The following SORT1 variants were observed in gnomAD, a reference collection of about 807,000 sequenced individuals.
SORT1 encodes the protein sortilin 1.
Under a neutral mutation model 101.7 loss-of-function variants are expected in SORT1, and 39 were observed. The observed-to-expected ratio is 0.38, with a 90% confidence interval of 0.30 to 0.50. SORT1 has a LOEUF of 0.50. Among genes scored for constraint, SORT1 ranks in the 20% least tolerant of loss-of-function variants. The probability of loss-of-function intolerance (pLI) is 0.90; values close to 1 mark genes in which losing one functional copy is unlikely to be tolerated. For synonymous variants in SORT1, 396 were observed against 393.7 expected (o/e 1.01, Z -0.07); for missense variants, 878 against 1,040.4 (o/e 0.84, Z 2.15).
intron 5 of SORT1, among the ~76,000 whole-genome samples, chr1:109,354,046 T>C (rs1417443515): frequency 2.0e-5 from 3 of 152,200 alleles, no homozygotes; most frequent in Non-Finnish European, 2.9e-5. Context: ...CATCAGGAGT[T>C]TGACAATTTA....
At chr1:109,347,679 C>T in intron 6 of SORT1, 147 bp from the exon 7 acceptor site, 1 of 590,192 alleles carries the variant, frequency 1.7e-6, no homozygotes, top group Non-Finnish European at 3.2e-6. Context: ...AGCCCTGGTC[C>T]TTCACAGCTC....
chr1:109,352,169 G>C (rs927107894), intron 5 of SORT1, among the ~76,000 whole-genome samples: 1 of 152,160 alleles, frequency 6.6e-6, no homozygotes, highest in Non-Finnish European at 1.5e-5. Flanking sequence ...TAAGGTGCTT[G>C]TGGAACATCC....
At chr1:109,350,562 T>C (rs552057228) in intron 6 of SORT1, among the ~76,000 whole-genome samples, 1 of 152,372 alleles carries the variant, frequency 6.6e-6, no homozygotes, top group South Asian at 2.1e-4. Flanking sequence ...AATGGAACTC[T>C]AGACAAGAGG....
chr1:109,345,799 T>C lies in SORT1; in HGVS notation c.915A>G (p.Ser305=). ...AAAGGAAACGTCCCCCAAGACCAAA[T>C]GAGTAGATTTTCACACCAATAGTTT... ...SFKTIGVKIY[S]FGLGGRFLFA... Residue 305 remains serine (S), a synonymous_variant, in exon 8 of 20, where the codon TCA becomes TCG. Coordinates refer to ENST00000256637, the MANE Select transcript of SORT1 (RefSeq NM_002959.7). 6.2e-7 allele frequency: 1 copy of C among 1,613,692 alleles called. No homozygotes were observed. Among genetic ancestry groups the C allele is most frequent in the Non-Finnish European group, 8.5e-7 (1 of 1,179,762 alleles).
At chr1:109,337,390 G>C (rs1489891206) in intron 10 of SORT1, among the ~76,000 whole-genome samples, 1 of 151,842 alleles carries the variant, frequency 6.6e-6, no homozygotes, top group Non-Finnish European at 1.5e-5. Context: ...GGGATTACAG[G>C]CACCTGCCGC....
chr1:109,319,744 A>G (rs1647493990), intron 15 of SORT1, among the ~76,000 whole-genome samples: 1 of 151,964 alleles, frequency 6.6e-6, no homozygotes, highest in Admixed American at 6.6e-5. Flanking sequence ...GTGTGTGCCT[A>G]TAATCCCAGC....
intron 3 of SORT1, among the ~76,000 whole-genome samples, chr1:109,359,226 C>T (rs567156127): frequency 6.6e-6 from 1 of 152,046 alleles, no homozygotes; most frequent in Non-Finnish European, 1.5e-5. Context: ...ACAGAAGGGG[C>T]AAGGGAGCTC....
rs461200 is a variant in SORT1 at position 109,312,782 on chromosome 1, G to T, written c.*1261C>A. 2 of 152,024 alleles carry T rather than the reference G, an allele frequency of 1.3e-5. No homozygotes were observed. The highest frequency in any genetic ancestry group is 3.2e-3 in the Middle Eastern group (1 of 316). The allele number at this position is 152,024 out of a possible 1,614,324, so 9.4% of individuals were successfully genotyped here. A position where few individuals can be genotyped will look rare whatever the true frequency, so the allele number is the denominator to read the frequency against. ...TTCTATAATTTATTTAATTTAGAGA[G>T]GTATCAAATGGAAAACTTCTTTTAA... On this transcript the variant is annotated 3_prime_UTR_variant, in exon 20 of 20. Coordinates refer to ENST00000256637, the MANE Select transcript of SORT1 (RefSeq NM_002959.7).
intron 5 of SORT1, among the ~76,000 whole-genome samples, chr1:109,351,638 G>T (rs1048637737): frequency 6.6e-6 from 1 of 152,212 alleles, no homozygotes; most frequent in Admixed American, 6.5e-5. Context: ...GGTGAGGCCA[G>T]CTCACAGAGA....
intron 1 of SORT1, chr1:109,393,492 G>C (rs1205582921): frequency 5.8e-6 from 1 of 171,190 alleles, no homozygotes; most frequent in Non-Finnish European, 1.2e-5. Flanking sequence ...TACCCTCAAA[G>C]GGGTGCTTAC....
At chr1:109,378,178 A>C (rs1651979807) in intron 1 of SORT1, among the ~76,000 whole-genome samples, 1 of 152,174 alleles carries the variant, frequency 6.6e-6, no homozygotes, top group Non-Finnish European at 1.5e-5. Flanking sequence ...TCGAAGCTGC[A>C]GTAAGCTATG....
intron 1 of SORT1, among the ~76,000 whole-genome samples, chr1:109,383,590 C>A (rs554932453): frequency 1.3e-5 from 2 of 152,256 alleles, no homozygotes; most frequent in South Asian, 4.2e-4. Flanking sequence ...CTGAGAATTA[C>A]AAAGGCAAGG....
chr1:109,387,899 G>A (rs1346777916), intron 1 of SORT1, among the ~76,000 whole-genome samples: 2 of 152,144 alleles, frequency 1.3e-5, no homozygotes, highest in Middle Eastern at 3.4e-3. Flanking sequence ...GCAGTGAGCC[G>A]AGATAGTGCC....
At chr1:109,370,175 G>C (rs914727214) in intron 1 of SORT1, among the ~76,000 whole-genome samples, 3 of 152,138 alleles carry the variant, frequency 2.0e-5, no homozygotes, top group African/African-American at 7.2e-5. Flanking sequence ...GTTGCAGTGA[G>C]AGTAAGGAGG....
At chr1:109,335,231 G>A (rs1648730351) in intron 11 of SORT1, among the ~76,000 whole-genome samples, 1 of 152,200 alleles carries the variant, frequency 6.6e-6, no homozygotes, top group Non-Finnish European at 1.5e-5. Flanking sequence ...CAGGGACAGA[G>A]GCCATTCATC....
chr1:109,365,288 A>T (rs1651003922), intron 3 of SORT1, among the ~76,000 whole-genome samples: 1 of 152,186 alleles, frequency 6.6e-6, no homozygotes, highest in Non-Finnish European at 1.5e-5. Context: ...CAGTGATGTG[A>T]TCATAGCTAC....
At chr1:109,378,722 A>G in intron 1 of SORT1, among the ~76,000 whole-genome samples, 1 of 49,844 alleles carries the variant, frequency 2.0e-5, no homozygotes, top group African/African-American at 8.3e-5. Context: ...ATATATATAT[A>G]TATATATATA....
intron 11 of SORT1, among the ~76,000 whole-genome samples, chr1:109,334,957 A>T (rs2101569110): frequency 6.6e-6 from 1 of 152,256 alleles, no homozygotes; most frequent in Non-Finnish European, 1.5e-5. Context: ...CTATTTTTTT[A>T]AAAAGAAGAG....
At chr1:109,337,793 A>G (rs1648936233) in intron 10 of SORT1, among the ~76,000 whole-genome samples, 1 of 151,808 alleles carries the variant, frequency 6.6e-6, no homozygotes, top group African/African-American at 2.4e-5. Flanking sequence ...AGGTCTGGCT[A>G]ATTTGTATTT....
Sources: allele counts gnomAD v4.1 joint callset (sites outside exome capture counted in the v4.1 genomes callset), GRCh38; gene constraint gnomAD v4.1.1; transcripts MANE v1.5; gene names NCBI Gene and HGNC (gene_info 2026-07-23, HGNC 2026-07-21).